Variants in EPB41L5 observed in about 807,000 individuals in gnomAD.
The protein encoded by EPB41L5 is erythrocyte membrane protein band 4.1 like 5.
Under a neutral mutation model 106.6 loss-of-function variants are expected in EPB41L5, and 55 were observed. The observed-to-expected ratio is 0.52, with a 90% CI of 0.42 to 0.65. The LOEUF is 0.65. Ranked by LOEUF, EPB41L5 falls within the 30% of genes least tolerant of loss-of-function variation. The pLI, the probability that EPB41L5 is intolerant of heterozygous loss-of-function variation, is 0.00. For missense variants in EPB41L5, 871 were observed against 882.1 expected (o/e 0.99, Z 0.16); for synonymous variants, 297 against 306.7 (o/e 0.97, Z 0.33).
rs532682255 is a variant in EPB41L5 at position 120,077,846 on chromosome 2, A to G, written c.714+530A>G. 1.3e-4 allele frequency among the ~76,000 whole-genome samples: 20 copies of G among 152,294 alleles called. No individual in the cohort carries two copies. The South Asian group carries it at 1.5e-3, about 11-fold the overall frequency. Reference sequence around the variant, plus strand: ...AGACATAAATTTATAAAGAGGTTCAATTGGCTCATGGTTTTGCAGGCTGTA... The same window carrying G: ...AGACATAAATTTATAAAGAGGTTCAGTTGGCTCATGGTTTTGCAGGCTGTA... On this transcript the variant is annotated intron_variant, in intron 9 of 24. Transcript: ENST00000263713.
chr2:120,136,882 A>G (rs566479294), intron 18 of EPB41L5, among the ~76,000 whole-genome samples: 54 of 152,110 alleles, frequency 3.6e-4, no homozygotes, highest in African/African-American at 1.3e-3. Flanking sequence ...GTGTAGACCA[A>G]TGGACCTAAT....
At chr2:120,057,375 T>G (rs919443914) in intron 3 of EPB41L5, among the ~76,000 whole-genome samples, 2 of 152,192 alleles carry the variant, frequency 1.3e-5, no homozygotes, top group Non-Finnish European at 2.9e-5. Flanking sequence ...TAATATCCTT[T>G]TATATAGTCC....
intron 3 of EPB41L5, among the ~76,000 whole-genome samples, chr2:120,066,466 T>G (rs553733268): frequency 1.0e-3 from 154 of 152,364 alleles, no homozygotes; most frequent in African/African-American, 3.2e-3. Context: ...CTTTCATTAT[T>G]TTTCGTGGAT....
At chr2:120,023,939 A>C (rs1477510958) in intron 2 of EPB41L5, among the ~76,000 whole-genome samples, 1 of 152,150 alleles carries the variant, frequency 6.6e-6, no homozygotes, top group Non-Finnish European at 1.5e-5. Context: ...TTCTCTTTGT[A>C]GCAGTTGTGA....
intron 1 of EPB41L5, among the ~76,000 whole-genome samples, chr2:120,014,971 TAA>T (rs35008136): frequency 6.4e-4 from 90 of 140,978 alleles, no homozygotes; most frequent in East Asian, 8.2e-4. Flanking sequence ...TCACAATCAT[TAA>T]AAAAAAAAAA....
chr2:120,046,399 G>C (rs1679777385), intron 3 of EPB41L5, among the ~76,000 whole-genome samples: 2 of 152,098 alleles, frequency 1.3e-5, no homozygotes, highest in Non-Finnish European at 2.9e-5. Context: ...GCATTTCTCT[G>C]ATGGCCAGTG....
chr2:120,047,919 CAT>C (rs1478128597), intron 3 of EPB41L5, among the ~76,000 whole-genome samples: 4 of 152,196 alleles, frequency 2.6e-5, no homozygotes, highest in African/African-American at 9.7e-5. Context: ...TTGAGATAAT[CAT>C]GTGTTTTTTG....
intron 2 of EPB41L5, among the ~76,000 whole-genome samples, chr2:120,022,345 C>A (rs903068854): frequency 6.6e-6 from 1 of 151,948 alleles, no homozygotes; most frequent in African/African-American, 2.4e-5. Context: ...CCCCCCACCC[C>A]CCGACAGGCC....
intron 18 of EPB41L5, among the ~76,000 whole-genome samples, chr2:120,134,816 C>T (rs1004801754): frequency 6.6e-6 from 1 of 152,166 alleles, no homozygotes; most frequent in African/African-American, 2.4e-5. Flanking sequence ...TGAATAACTA[C>T]AACGGCTTCT....
At position 120,102,995 on chromosome 2, in the gene EPB41L5, G is replaced by A. The variant is rs559082558; in HGVS notation, c.1337+2181G>A. ...GTGATTTTTGTGAGCCAGGTCTGATGAACAAATTGTATTTCAGTTAAAAGA... is the reference window on the plus strand; with the variant it reads ...GTGATTTTTGTGAGCCAGGTCTGATAAACAAATTGTATTTCAGTTAAAAGA... On this transcript the variant is annotated intron_variant, in intron 16 of 24. Coordinates refer to ENST00000263713, the MANE Select transcript of EPB41L5 (RefSeq NM_020909.4). Among the ~76,000 whole-genome samples the A allele has an allele frequency of 2.0e-5, 3 of 152,186 alleles. No homozygotes were observed. In the East Asian group the frequency reaches 5.8e-4, roughly 29 times the overall value.
chr2:120,158,380 A>T (rs531967828), intron 20 of EPB41L5, among the ~76,000 whole-genome samples: 1 of 152,280 alleles, frequency 6.6e-6, no homozygotes, highest in African/African-American at 2.4e-5. Flanking sequence ...CCAGCAGCAC[A>T]TCAGTCCACC....
At chr2:120,172,953 T>C (rs999403929) in intron 24 of EPB41L5, among the ~76,000 whole-genome samples, 1 of 152,112 alleles carries the variant, frequency 6.6e-6, no homozygotes, top group Admixed American at 6.6e-5. Flanking sequence ...TAGGGATAGA[T>C]GAGAGATTTG....
chr2:120,021,452 G>C (rs545570211), intron 2 of EPB41L5, among the ~76,000 whole-genome samples: 107 of 152,188 alleles, frequency 7.0e-4, no homozygotes, highest in African/African-American at 2.6e-3. Flanking sequence ...AGACCAGTCT[G>C]GCCAACATAG....
chr2:120,073,211 C>T lies in EPB41L5; in HGVS notation c.319C>T (p.Gln107Ter). The T allele has an allele frequency of 6.2e-7, 1 of 1,607,472 alleles. No homozygotes were observed. Among genetic ancestry groups the T allele is most frequent in the Non-Finnish European group, 8.5e-7 (1 of 1,178,218 alleles). ...WLDGTKSIKK[Q>*]VKIGSPYCLH... ...GGATGGTACAAAAAGCATCAAAAAG[C>T]AAGTAAAAAGTAAGTGCAGACAAAA... The change falls in exon 4 of 25, where the codon CAA becomes TAA. Residue 107 changes from glutamine (Q) to a stop codon, truncating the protein, a stop_gained. Transcript: ENST00000263713. LOFTEE classifies it high-confidence loss of function.
chr2:120,065,793 G>T (rs1681408281), intron 3 of EPB41L5, among the ~76,000 whole-genome samples: 1 of 152,160 alleles, frequency 6.6e-6, no homozygotes, highest in Non-Finnish European at 1.5e-5. Context: ...TGGGATTGCA[G>T]GTGTGAGCCA....
chr2:120,040,254 A>G (rs1330263627), intron 2 of EPB41L5, among the ~76,000 whole-genome samples: 1 of 152,148 alleles, frequency 6.6e-6, no homozygotes, highest in Non-Finnish European at 1.5e-5. Flanking sequence ...AGAATACAAT[A>G]TGATTAAGAA....
intron 16 of EPB41L5, chr2:120,106,969 A>G (rs1684490532): frequency 2.3e-6 from 2 of 874,416 alleles, no homozygotes; most frequent in Non-Finnish European, 2.7e-6. Flanking sequence ...AAACACTAAT[A>G]TTGTAATACC....
chr2:120,066,658 T>A lies in EPB41L5; in HGVS notation c.286-6520T>A, dbSNP rs529188146. On this transcript the variant is annotated intron_variant, in intron 3 of 24. Coordinates refer to ENST00000263713, the MANE Select transcript of EPB41L5 (RefSeq NM_020909.4). Reference sequence around the variant, plus strand: ...TATTTTTGAGACATTATCTACTGTCTAGTCAGATTGCTTCCTGGAAGGGTT... The same window carrying A: ...TATTTTTGAGACATTATCTACTGTCAAGTCAGATTGCTTCCTGGAAGGGTT... Among the ~76,000 whole-genome samples the A allele has an allele frequency of 6.6e-5, 10 of 152,330 alleles. No individual in the cohort carries two copies. In the South Asian group the frequency reaches 2.1e-3, roughly 32 times the overall value.
intron 16 of EPB41L5, among the ~76,000 whole-genome samples, chr2:120,124,965 G>A (rs1053328933): frequency 6.6e-6 from 1 of 152,038 alleles, no homozygotes; most frequent in African/African-American, 2.4e-5. Flanking sequence ...TGTAATCTGT[G>A]GAGTGTCATT....
Sources: allele counts gnomAD v4.1 joint callset (sites outside exome capture counted in the v4.1 genomes callset), GRCh38; gene constraint gnomAD v4.1.1; transcripts MANE v1.5; gene names NCBI Gene and HGNC (gene_info 2026-07-23, HGNC 2026-07-21).